ELF5: variants seen among roughly 807,000 people sequenced by gnomAD.
The protein encoded by ELF5 is ETS-related transcription factor Elf-5.
A neutral mutation model predicts 38.2 loss-of-function variants in ELF5; 31 were observed. That is an observed-to-expected ratio of 0.81 (90% confidence interval 0.61 to 1.10). The LOEUF (loss-of-function observed/expected upper bound fraction) is 1.10, where lower values mean the gene tolerates loss of function less well. Ranked by LOEUF, ELF5 falls within the 50% of genes least tolerant of loss-of-function variation. ELF5 has a pLI of 0.00. For synonymous variants in ELF5, 121 were observed against 112.5 expected (o/e 1.08, Z -0.48); for missense variants, 300 against 306.6 (o/e 0.98, Z 0.16).
intron 4 of ELF5, among the ~76,000 whole-genome samples, chr11:34,488,775 G>T (rs1850077743): frequency 6.6e-6 from 1 of 152,210 alleles, no homozygotes; most frequent in East Asian, 1.9e-4. Flanking sequence ...GGTTGGTCAG[G>T]TCTAGGTCAC....
intron 2 of ELF5, among the ~76,000 whole-genome samples, chr11:34,496,013 T>C (rs1339536758): frequency 2.7e-5 from 4 of 148,434 alleles, no homozygotes; most frequent in African/African-American, 9.8e-5. Flanking sequence ...GAGGGCACAG[T>C]TGATTTCATG....
chr11:34,493,307 TA>T, intron 3 of ELF5, 171 bp downstream of exon 3: 1 of 681,160 alleles, frequency 1.5e-6, no homozygotes, highest in Non-Finnish European at 2.5e-6. Flanking sequence ...CCCTTTTCCC[TA>T]AAATCCCCAA....
In ELF5 at chr11:34,480,125, AAG is replaced by A. The variant is rs1231619865; in HGVS notation, c.*91_*92del. ...TCAGCATGTTTGCAGGTTAAAAAAA[AAG>A]AGAAGAAAATGAAGCCTTTCGAATG... On this transcript the variant is annotated 3_prime_UTR_variant, in exon 7 of 7. Coordinates refer to ENST00000257832, the MANE Select transcript of ELF5 (RefSeq NM_001422.4). 6 of 1,045,592 alleles carry A rather than the reference AAG, an allele frequency of 5.7e-6. No individual in the cohort carries two copies. In the African/African-American group the frequency reaches 8.1e-5, roughly 14 times the overall value. The allele number at this position is 1,045,592 out of a possible 1,614,324, so 64.8% of individuals were successfully genotyped here.
At chr11:34,494,235 A>G (rs1420894125) in intron 2 of ELF5, among the ~76,000 whole-genome samples, 1 of 152,190 alleles carries the variant, frequency 6.6e-6, no homozygotes, top group Non-Finnish European at 1.5e-5. Flanking sequence ...AAACTTACCA[A>G]CCAATTCAAT....
rs765374106 is a variant in ELF5, at chr11:34,505,715, G to A, written c.35C>T (p.Pro12Leu). 6.2e-7 allele frequency: 1 copy of A among 1,614,108 alleles called. No individual in the cohort carries two copies. The highest frequency in any genetic ancestry group is 1.7e-5 in the Admixed American group (1 of 60,024). Residue 12 changes from proline to leucine, a missense_variant, in exon 2 of 7, where the codon CCT becomes CTT. Transcript: ENST00000257832. Reference sequence around the variant, plus strand: ...CAGGGGATCGCAGAAGGATGCATTAGGCAGGAAGGTGCTGTGTGTCACCGA... The same window carrying A: ...CAGGGGATCGCAGAAGGATGCATTAAGCAGGAAGGTGCTGTGTGTCACCGA... Reference protein sequence around the residue: ...LDSVTHSTFLPNASFCDPLMS... With the variant: ...LDSVTHSTFLLNASFCDPLMS...
At chr11:34,500,417 C>T (rs1850434673) in intron 2 of ELF5, among the ~76,000 whole-genome samples, 1 of 152,240 alleles carries the variant, frequency 6.6e-6, no homozygotes, top group Non-Finnish European at 1.5e-5. Context: ...AGCTCCATCC[C>T]ATACCCCTTC....
At chr11:34,487,800 T>C (rs1850042745) in intron 4 of ELF5, among the ~76,000 whole-genome samples, 1 of 152,176 alleles carries the variant, frequency 6.6e-6, no homozygotes, top group Non-Finnish European at 1.5e-5. Flanking sequence ...CTGTGGCTAT[T>C]GAGCACTTGA....
intron 6 of ELF5, 59 bp downstream of exon 6, chr11:34,480,713 G>T: frequency 6.5e-7 from 1 of 1,546,542 alleles, no homozygotes; most frequent in Non-Finnish European, 8.8e-7. Context: ...ATTTTCTACA[G>T]CCAGCCATTG....
chr11:34,512,430 CA>C (rs1360258588), intron 1 of ELF5, among the ~76,000 whole-genome samples: 1 of 152,088 alleles, frequency 6.6e-6, no homozygotes, highest in Non-Finnish European at 1.5e-5. Context: ...TTACATATAT[CA>C]GGGGTTAAAT....
chr11:34,508,605 T>C (rs1340002482), intron 1 of ELF5, among the ~76,000 whole-genome samples: 1 of 152,238 alleles, frequency 6.6e-6, no homozygotes, highest in Non-Finnish European at 1.5e-5. Flanking sequence ...TATCCTTGAT[T>C]TTGCCTTTTG....
rs1856877340 is a variant in ELF5 at position 34,479,543 on chromosome 11, A to G, written c.*675T>C. 1 of 152,188 alleles carries G rather than the reference A, an allele frequency of 6.6e-6. No individual in the cohort carries two copies. Among genetic ancestry groups the G allele is most frequent in the South Asian group, 2.1e-4 (1 of 4,828 alleles). 9.4% of individuals were successfully genotyped at this position (152,188 alleles called of 1,614,324 possible). On this transcript the variant is annotated 3_prime_UTR_variant, in exon 7 of 7. Coordinates refer to ENST00000257832, the MANE Select transcript of ELF5 (RefSeq NM_001422.4). Reference sequence around the variant, plus strand: ...CAATTAAGTCCCAGCTTGATGGCTTAGCTCTTTCATTAATTAAGATACTTT... The same window carrying G: ...CAATTAAGTCCCAGCTTGATGGCTTGGCTCTTTCATTAATTAAGATACTTT...
At chr11:34,493,405 G>T in intron 3 of ELF5, 74 bp downstream of exon 3, 1 of 1,416,324 alleles carries the variant, frequency 7.1e-7, no homozygotes, top group Non-Finnish European at 9.8e-7. Flanking sequence ...TCACACGATG[G>T]GAAAGGACTT....
At chr11:34,483,105 G>C (rs932413219) in intron 4 of ELF5, among the ~76,000 whole-genome samples, 4 of 151,790 alleles carry the variant, frequency 2.6e-5, no homozygotes, top group Non-Finnish European at 1.5e-5. Flanking sequence ...CTGGCTTCAG[G>C]CTCTCCAGAA....
At chr11:34,489,775 G>C (rs181040641) in intron 4 of ELF5, among the ~76,000 whole-genome samples, 1 of 152,252 alleles carries the variant, frequency 6.6e-6, no homozygotes, top group Admixed American at 6.5e-5. Flanking sequence ...TTACAGATAG[G>C]GGAATGGAGT....
chr11:34,502,780 G>GT (rs1173155248), intron 2 of ELF5, among the ~76,000 whole-genome samples: 1 of 152,210 alleles, frequency 6.6e-6, no homozygotes, highest in African/African-American at 2.4e-5. Flanking sequence ...GGGAATTTCT[G>GT]TTTTCTCAGT....
intron 2 of ELF5, among the ~76,000 whole-genome samples, chr11:34,502,562 G>A (rs184765758): frequency 2.4e-4 from 37 of 152,352 alleles, no homozygotes; most frequent in Non-Finnish European, 3.2e-4. Context: ...AGGCTCACCC[G>A]GTGCCCAGGC....
rs1019601829 is a variant in ELF5 at position 34,488,124 on chromosome 11, T to C, written c.406+1885A>G. On this transcript the variant is annotated intron_variant, in intron 4 of 6. Transcript: ENST00000257832. ...TTTCCCCATTACACACAAAACATGC[T>C]GATCTTTCCCTTTATAATATCATCG... 5.3e-5 allele frequency among the ~76,000 whole-genome samples: 8 copies of C among 152,184 alleles called. No homozygotes were observed. In the East Asian group the frequency reaches 1.5e-3, roughly 29 times the overall value.
chr11:34,494,709 A>G (rs968065708), intron 2 of ELF5, among the ~76,000 whole-genome samples: 4 of 152,208 alleles, frequency 2.6e-5, no homozygotes, highest in Non-Finnish European at 5.9e-5. Flanking sequence ...GTGCTGTATT[A>G]GGTACTTGGT....
intron 2 of ELF5, among the ~76,000 whole-genome samples, chr11:34,505,033 A>G: frequency 6.6e-6 from 1 of 152,370 alleles, no homozygotes; most frequent in South Asian, 2.1e-4. Flanking sequence ...ATAATGATAT[A>G]TTAATATCAA....
Sources: allele counts gnomAD v4.1 joint callset (sites outside exome capture counted in the v4.1 genomes callset), GRCh38; gene constraint gnomAD v4.1.1; transcripts MANE v1.5; gene names NCBI Gene and HGNC (gene_info 2026-07-23, HGNC 2026-07-21).